GALNT13: variants seen among roughly 807,000 people sequenced by gnomAD.
The protein encoded by GALNT13 is UDP-GalNAc:polypeptide N-acetylgalactosaminyltransferase 13.
GALNT13 carries 28 observed loss-of-function variants against 64.2 expected under a neutral mutation model. The observed-to-expected ratio is 0.44, with a 90% CI of 0.32 to 0.60. GALNT13 has a LOEUF of 0.60. Ranked by LOEUF, GALNT13 falls within the 20% of genes least tolerant of loss-of-function variation. The pLI is 0.05. For synonymous variants in GALNT13, 214 were observed against 224.6 expected (o/e 0.95, Z 0.42); for missense variants, 577 against 669.8 (o/e 0.86, Z 1.53).
At chr2:153,246,023 A>C in the GALNT13 span, among the ~76,000 whole-genome samples, 5 of 152,004 alleles carry the variant, frequency 3.3e-5, no homozygotes, top group African/African-American at 1.2e-4. Flanking sequence ...CAATAGCTTA[A>C]TTGATCAAGC....
chr2:154,059,175 T>C (rs757852183), intron 3 of GALNT13, among the ~76,000 whole-genome samples: 1 of 152,330 alleles, frequency 6.6e-6, no homozygotes, highest in African/African-American at 2.4e-5. Context: ...AAGGAAAATA[T>C]TTGTCTCCGT....
the GALNT13 span, among the ~76,000 whole-genome samples, chr2:153,449,208 A>C: frequency 6.6e-6 from 1 of 152,158 alleles, no homozygotes; most frequent in Admixed American, 6.6e-5. Flanking sequence ...AACTGTAAGA[A>C]AATATTTCTG....
At chr2:154,206,297 G>C (rs988225710) in intron 4 of GALNT13, among the ~76,000 whole-genome samples, 4 of 151,852 alleles carry the variant, frequency 2.6e-5, no homozygotes, top group African/African-American at 9.7e-5. Context: ...AACTGAGCCC[G>C]GCCCTAATTT....
intron 4 of GALNT13, among the ~76,000 whole-genome samples, chr2:154,170,144 C>T (rs1283840406): frequency 3.3e-5 from 5 of 152,116 alleles, no homozygotes; most frequent in African/African-American, 1.2e-4. Flanking sequence ...GGGTTTCCAG[C>T]TGCAGAAAAG....
chr2:153,271,655 T>C, the GALNT13 span, among the ~76,000 whole-genome samples: 1 of 152,180 alleles, frequency 6.6e-6, no homozygotes, highest in Non-Finnish European at 1.5e-5. Flanking sequence ...TGCTCATGGA[T>C]AGGAAGAATC....
At chr2:153,282,768 G>T in the GALNT13 span, among the ~76,000 whole-genome samples, 1 of 152,144 alleles carries the variant, frequency 6.6e-6, no homozygotes, top group African/African-American at 2.4e-5. Context: ...CTCATCTGGA[G>T]ACACTGGAAC....
chr2:153,710,949 T>A, the GALNT13 span, among the ~76,000 whole-genome samples: 1 of 152,070 alleles, frequency 6.6e-6, no homozygotes. Flanking sequence ...ATCTATTTTC[T>A]TTATGAATAA....
the GALNT13 span, among the ~76,000 whole-genome samples, chr2:153,375,906 T>A: frequency 6.6e-6 from 1 of 152,112 alleles, no homozygotes; most frequent in Non-Finnish European, 1.5e-5. Context: ...CTGCTTCTGG[T>A]GAGGGCTTCA....
At chr2:153,605,562 A>G in the GALNT13 span, among the ~76,000 whole-genome samples, 2 of 152,100 alleles carry the variant, frequency 1.3e-5, no homozygotes, top group South Asian at 4.1e-4. Flanking sequence ...TAAACAGTCT[A>G]CAGTCAATTC....
At chr2:154,024,359 A>G (rs1263392643) in intron 3 of GALNT13, among the ~76,000 whole-genome samples, 1 of 152,032 alleles carries the variant, frequency 6.6e-6, no homozygotes. Flanking sequence ...TGGTCTTTTC[A>G]CATAGTCCCA....
At chr2:153,433,829 T>A in the GALNT13 span, among the ~76,000 whole-genome samples, 33 of 152,250 alleles carry the variant, frequency 2.2e-4, no homozygotes, top group East Asian at 3.3e-3. Context: ...TACTTTTTTT[T>A]AATTTTATTA....
chr2:154,088,949 A>T (rs1456488256), intron 3 of GALNT13, among the ~76,000 whole-genome samples: 1 of 152,092 alleles, frequency 6.6e-6, no homozygotes, highest in Non-Finnish European at 1.5e-5. Context: ...TTAGGGACCA[A>T]TCATCTCTGA....
At chr2:153,765,058 G>A in the GALNT13 span, among the ~76,000 whole-genome samples, 14 of 152,362 alleles carry the variant, frequency 9.2e-5, no homozygotes, top group African/African-American at 1.9e-4. Flanking sequence ...CTGCGGGGAC[G>A]TAGTCCTCAT....
At chr2:153,980,697 T>C (rs530841506) in intron 3 of GALNT13, among the ~76,000 whole-genome samples, 189 of 152,248 alleles carry the variant, frequency 1.2e-3, no homozygotes, top group Middle Eastern at 6.8e-3. Flanking sequence ...AAATTGAAAA[T>C]TCTTATTTTA....
At chr2:153,306,346 T>TGAA in the GALNT13 span, among the ~76,000 whole-genome samples, 3 of 152,228 alleles carry the variant, frequency 2.0e-5, no homozygotes, top group African/African-American at 7.2e-5. Flanking sequence ...GTATTTAGTG[T>TGAA]GAATTACTCA....
intron 10 of GALNT13, among the ~76,000 whole-genome samples, chr2:154,404,430 C>A (rs1484274503): frequency 6.6e-6 from 1 of 152,146 alleles, no homozygotes; most frequent in Non-Finnish European, 1.5e-5. Flanking sequence ...AGTGTTCTCA[C>A]AGATTCTCAA....
chr2:153,449,444 TC>T, the GALNT13 span, among the ~76,000 whole-genome samples: 1 of 152,052 alleles, frequency 6.6e-6, no homozygotes, highest in African/African-American at 2.4e-5. Flanking sequence ...AGATGTTTTT[TC>T]CCCCATGCCT....
At chr2:153,636,816 C>T in the GALNT13 span, among the ~76,000 whole-genome samples, 1 of 152,054 alleles carries the variant, frequency 6.6e-6, no homozygotes, top group Admixed American at 6.6e-5. Context: ...GAAATTATTA[C>T]AGTAAGAAAG....
the GALNT13 span, among the ~76,000 whole-genome samples, chr2:153,330,917 C>T: frequency 6.6e-6 from 1 of 152,108 alleles, no homozygotes; most frequent in Non-Finnish European, 1.5e-5. Context: ...GTGGGTTTGT[C>T]ATAGATGGCT....
Sources: allele counts gnomAD v4.1 joint callset (sites outside exome capture counted in the v4.1 genomes callset), GRCh38; gene constraint gnomAD v4.1.1; transcripts MANE v1.5; gene names NCBI Gene and HGNC (gene_info 2026-07-23, HGNC 2026-07-21).